PDE1C: variants seen among roughly 807,000 people sequenced by gnomAD.
PDE1C encodes the protein phosphodiesterase 1C, also known as dual specificity calcium/calmodulin-dependent 3',5'-cyclic nucleotide phosphodiesterase 1C.
PDE1C carries 62 observed loss-of-function variants against 93.1 expected under a neutral mutation model. That is an observed-to-expected ratio of 0.67 (90% CI 0.54 to 0.82). The LOEUF (loss-of-function observed/expected upper bound fraction) is 0.82. Ranked by LOEUF, PDE1C falls within the 40% of genes least tolerant of loss-of-function variation. The pLI is 0.00. For missense variants in PDE1C, 742 were observed against 884.6 expected (o/e 0.84, Z 2.04); for synonymous variants, 325 against 310.1 (o/e 1.05, Z -0.50).
chr7:32,019,269 G>T (rs532326649), intron 2 of PDE1C, among the ~76,000 whole-genome samples: 2 of 151,984 alleles, frequency 1.3e-5, no homozygotes, highest in South Asian at 4.2e-4. Flanking sequence ...ACTAAAACAT[G>T]ATTAGAGTTA....
In PDE1C at chr7:32,161,279, C is replaced by T. The variant is rs181858129; in HGVS notation, c.308+8506G>A. 2.6e-5 allele frequency among the ~76,000 whole-genome samples: 4 copies of T among 152,142 alleles called. No homozygotes were observed. In the East Asian group the frequency reaches 5.8e-4, roughly 22 times the overall value. ...CCAGTGGTAGTGTCCAGACAGCACA[C>T]GGATAGGAGGTTGGGCAGCCCAGTT... On this transcript the variant is annotated intron_variant, in intron 3 of 18. Coordinates refer to the PDE1C transcript ENST00000396193.
At chr7:32,118,971 T>C (rs1799139346) in intron 3 of PDE1C, among the ~76,000 whole-genome samples, 1 of 151,782 alleles carries the variant, frequency 6.6e-6, no homozygotes, top group African/African-American at 2.4e-5. Flanking sequence ...GGATGGGGGG[T>C]AGAGGCAGTA....
At chr7:31,848,376 A>C (rs1792889045) in intron 8 of PDE1C, among the ~76,000 whole-genome samples, 1 of 152,180 alleles carries the variant, frequency 6.6e-6, no homozygotes, top group African/African-American at 2.4e-5. Flanking sequence ...TACCTATATT[A>C]GTTGCAAAGG....
chr7:31,807,942 A>C (rs1787061597), intron 16 of PDE1C, among the ~76,000 whole-genome samples: 2 of 151,866 alleles, frequency 1.3e-5, no homozygotes, highest in African/African-American at 2.4e-5. Context: ...AAAAAAAAAA[A>C]ATTGCAGGTA....
At chr7:32,261,509 G>T (rs1810201760) in intron 1 of PDE1C, among the ~76,000 whole-genome samples, 1 of 152,160 alleles carries the variant, frequency 6.6e-6, no homozygotes, top group Non-Finnish European at 1.5e-5. Flanking sequence ...AGCCAGCTCT[G>T]CGTGAATTAC....
At chr7:32,027,581 G>GAAA (rs113717905) in intron 2 of PDE1C, among the ~76,000 whole-genome samples, 17 of 98,190 alleles carry the variant, frequency 1.7e-4, no homozygotes, top group Middle Eastern at 6.4e-3. Flanking sequence ...TGCAAAGGCA[G>GAAA]AAAAAAAAAA....
At chr7:32,212,117 G>T (rs1475032124) in intron 1 of PDE1C, among the ~76,000 whole-genome samples, 1 of 150,888 alleles carries the variant, frequency 6.6e-6, no homozygotes, top group African/African-American at 2.4e-5. Context: ...ACTTTAAAAT[G>T]ACATTTTAAA....
In PDE1C at chr7:32,414,842, A is replaced by AAAAT. The variant is rs368691197; in HGVS notation, c.310+12979_310+12980insATTT. Among the ~76,000 whole-genome samples, 1,129 of 151,694 alleles carry AAAAT rather than the reference A, an allele frequency of 7.4e-3. 15 individuals are homozygous for AAAAT. The highest frequency in any genetic ancestry group is 0.027 in the African/African-American group (1,094 of 41,250). On this transcript the variant is annotated intron_variant, in intron 1 of 1. Transcript: ENST00000672256. ...ATGATGCCAATGATAAAAAAAAAAA[A>AAAAT]GCCTGTAAAAAGATTCAATAAAATT...
At chr7:31,934,193 G>C (rs920573425) in intron 2 of PDE1C, among the ~76,000 whole-genome samples, 48 of 152,188 alleles carry the variant, frequency 3.2e-4, no homozygotes, top group African/African-American at 1.1e-3. Context: ...AATGAATGTA[G>C]GACTCCTCTC....
chr7:31,962,038 T>A (rs1322229962), intron 2 of PDE1C, among the ~76,000 whole-genome samples: 1 of 152,210 alleles, frequency 6.6e-6, no homozygotes, highest in Non-Finnish European at 1.5e-5. Context: ...GATGGTATAC[T>A]GTTATCTATC....
exon 2 of PDE1C, chr7:32,209,493 G>C (rs950774625): frequency 3.2e-6 from 5 of 1,572,718 alleles, no homozygotes; most frequent in Non-Finnish European, 3.4e-6. Context: ...ACTCACGAGA[G>C]AAGCGGGCCA....
At chr7:32,252,635 C>T (rs913183768) in intron 1 of PDE1C, among the ~76,000 whole-genome samples, 10 of 152,134 alleles carry the variant, frequency 6.6e-5, no homozygotes, top group Non-Finnish European at 1.5e-4. Context: ...ACTGTGGCTG[C>T]AGCACAGAGG....
chr7:31,808,231 TC>T, intron 16 of PDE1C: 1 of 461,774 alleles, frequency 2.2e-6, no homozygotes, highest in South Asian at 1.6e-5. Flanking sequence ...ATATGATGTC[TC>T]CAGGGAGGTA....
chr7:32,195,551 T>G (rs548640689), intron 2 of PDE1C, among the ~76,000 whole-genome samples: 2 of 152,224 alleles, frequency 1.3e-5, no homozygotes, highest in Middle Eastern at 3.4e-3. Context: ...CTCTTGAGAT[T>G]TTAGAAGTTT....
intron 2 of PDE1C, among the ~76,000 whole-genome samples, chr7:32,016,352 A>G (rs30554): frequency 0.84 from 127,485 of 152,192 alleles, 53,492 homozygotes; most frequent in Middle Eastern, 0.89. Flanking sequence ...CCCCAGTGGG[A>G]GCTTGCCTAC....
At chr7:31,936,099 T>C (rs749528997) in intron 2 of PDE1C, among the ~76,000 whole-genome samples, 2 of 152,062 alleles carry the variant, frequency 1.3e-5, no homozygotes, top group African/African-American at 2.4e-5. Flanking sequence ...AATCCAAAAA[T>C]TGGGACATGG....
rs765628877 is a variant in PDE1C at position 31,816,020 on chromosome 7, T to C, written c.1717A>G (p.Lys573Glu). Reference protein sequence around the residue: ...KAEKKTSGETKNQVNGTRANK... With the variant: ...KAEKKTSGETENQVNGTRANK... Reference sequence around the variant, plus strand: ...GCCCGTGTTCCATTGACTTGATTCTTAGTTTCTCCAGACGTCTTTTTCTCA... The same window carrying C: ...GCCCGTGTTCCATTGACTTGATTCTCAGTTTCTCCAGACGTCTTTTTCTCA... The change falls in exon 15 of 18, where the codon AAG (lysine) becomes GAG (glutamate). Residue 573 changes from lysine to glutamate, a missense_variant. By Grantham distance (56) the Lys-to-Glu change is moderately conservative. Coordinates refer to ENST00000396191, the MANE Select transcript of PDE1C (RefSeq NM_001191057.4). 2 of 1,614,082 alleles carry C rather than the reference T, an allele frequency of 1.2e-6. No individual in the cohort carries two copies. Among genetic ancestry groups the C allele is most frequent in the East Asian group, 4.5e-5 (2 of 44,874 alleles).
At chr7:31,735,075 T>C in the PDE1C span, among the ~76,000 whole-genome samples, 4 of 152,032 alleles carry the variant, frequency 2.6e-5, no homozygotes, top group Non-Finnish European at 5.9e-5. Context: ...GATCCATAGG[T>C]GATTTGTAAG....
At chr7:31,842,806 T>C (rs534585272) in intron 9 of PDE1C, among the ~76,000 whole-genome samples, 26 of 152,050 alleles carry the variant, frequency 1.7e-4, no homozygotes, top group African/African-American at 6.3e-4. Context: ...TACATTACTG[T>C]TTTGGTCTAG....
Sources: allele counts gnomAD v4.1 joint callset (sites outside exome capture counted in the v4.1 genomes callset), GRCh38; gene constraint gnomAD v4.1.1; transcripts MANE v1.5; gene names NCBI Gene and HGNC (gene_info 2026-07-23, HGNC 2026-07-21).